AFF3: variants seen among roughly 807,000 people sequenced by gnomAD.
The protein encoded by AFF3 is AF4/FMR2 family member 3.
A neutral mutation model predicts 129.7 loss-of-function variants in AFF3; 32 were observed. The ratio of observed to expected loss-of-function variants is 0.25; its 90% CI spans 0.19 to 0.33. AFF3 has a LOEUF of 0.33. AFF3 is among the 10% of genes least tolerant of loss of function. The pLI is 1.00. For missense variants in AFF3, 1,373 were observed against 1,592.0 expected, an observed-to-expected ratio of 0.86 and a Z score of 2.34; for synonymous variants, 644 against 635.4, an observed-to-expected ratio of 1.01 and a Z score of -0.20.
chr2:99,949,911 T>C (rs1018509742), intron 7 of AFF3, among the ~76,000 whole-genome samples: 6 of 152,232 alleles, frequency 3.9e-5, no homozygotes, highest in African/African-American at 1.2e-4. Flanking sequence ...GGTATATGAA[T>C]GTTCTAAATA....
At chr2:99,692,526 G>T (rs1675776184) in intron 11 of AFF3, among the ~76,000 whole-genome samples, 1 of 152,170 alleles carries the variant, frequency 6.6e-6, no homozygotes, top group Non-Finnish European at 1.5e-5. Context: ...AGGGGAGTGG[G>T]GAGGGAGCAG....
In AFF3 at chr2:100,008,798, T is replaced by G. The variant is rs748931366; in HGVS notation, c.174+14A>C. The G allele has an allele frequency of 6.2e-7, 1 of 1,612,248 alleles. No homozygotes were observed. The highest frequency in any genetic ancestry group is 8.5e-7 in the Non-Finnish European group (1 of 1,179,270). On this transcript the variant is annotated intron_variant, in intron 5 of 24. Transcript: ENST00000672756. ...CAAGTGAGAGGTAGAGATGAACAACTGAAAACCATCTACCTTGTAGGGCTC... is the reference window on the plus strand; with the variant it reads ...CAAGTGAGAGGTAGAGATGAACAACGGAAAACCATCTACCTTGTAGGGCTC...
intron 10 of AFF3, 43 bp downstream of exon 10, chr2:99,744,061 C>G: frequency 6.4e-7 from 1 of 1,564,776 alleles, no homozygotes; most frequent in Non-Finnish European, 8.8e-7. Context: ...CTGCCCCCAC[C>G]CCCTGCTCCC....
chr2:99,863,650 C>G (rs1691163868), intron 7 of AFF3, among the ~76,000 whole-genome samples: 1 of 152,154 alleles, frequency 6.6e-6, no homozygotes, highest in Non-Finnish European at 1.5e-5. Flanking sequence ...TTAATGGAGA[C>G]TAATTTACCC....
chr2:99,572,761 C>T (rs1256525539), intron 18 of AFF3: 2 of 413,578 alleles, frequency 4.8e-6, no homozygotes, highest in African/African-American at 2.1e-5. Context: ...ATTTTTAATA[C>T]ACAGAGTCAG....
chr2:100,020,153 A>C (rs1683467374), intron 4 of AFF3, among the ~76,000 whole-genome samples: 1 of 151,898 alleles, frequency 6.6e-6, no homozygotes, highest in Non-Finnish European at 1.5e-5. Context: ...CCAGGCTTCA[A>C]CTTCCTCATG....
intron 7 of AFF3, among the ~76,000 whole-genome samples, chr2:99,989,670 G>A (rs540491964): frequency 1.3e-4 from 20 of 152,210 alleles, no homozygotes; most frequent in African/African-American, 3.4e-4. Flanking sequence ...AAAAGAAAGC[G>A]TGAATCATGG....
rs532998699 is a variant in AFF3, at chr2:100,036,075, A to G, written c.54-27143T>C. Among the ~76,000 whole-genome samples the G allele has an allele frequency of 1.6e-3, 249 of 151,004 alleles. 4 individuals carry two copies. Among genetic ancestry groups the G allele is most frequent in the African/African-American group, 5.8e-3 (236 of 40,940 alleles). On this transcript the variant is annotated intron_variant, in intron 4 of 24. Transcript: ENST00000672756. The stretch of plus-strand genomic sequence containing the variant: ...GGGTGTTCAACTCACTGAGAGAGAA[A>G]ATTGATATGGTTCTAATCAAAACCA...
chr2:100,127,180 A>T (rs2105575837), intron 2 of AFF3, among the ~76,000 whole-genome samples: 1 of 152,280 alleles, frequency 6.6e-6, no homozygotes, highest in East Asian at 1.9e-4. Flanking sequence ...AGGCTCCCCT[A>T]GGTGTTTAGT....
Position 99,587,558 on chromosome 2 carries a change from C to T in AFF3, c.2467-280G>A, listed in dbSNP as rs141503148. 8.4e-4 allele frequency among the ~76,000 whole-genome samples: 128 copies of T among 152,340 alleles called. 1 individual carries two copies. Among genetic ancestry groups the T allele is most frequent in the Middle Eastern group, 6.8e-3 (2 of 294 alleles). On this transcript the variant is annotated intron_variant, in intron 15 of 24. Coordinates refer to ENST00000672756, the MANE Select transcript of AFF3 (RefSeq NM_001386135.1). ...TTCTGAAAGCTGCTCTGCCATCAAC[C>T]GGCTTAGGATTTAGCCCTCCAACTG...
chr2:99,949,879 G>C (rs1398751918), intron 7 of AFF3, among the ~76,000 whole-genome samples: 1 of 152,096 alleles, frequency 6.6e-6, no homozygotes, highest in Middle Eastern at 3.2e-3. Flanking sequence ...ATAAACTTTA[G>C]GGAAATATGT....
rs142694989 is a variant in AFF3 at position 100,057,044 on chromosome 2, G to A, written c.53+47358C>T. On this transcript the variant is annotated intron_variant, in intron 4 of 24. Coordinates refer to ENST00000672756, the MANE Select transcript of AFF3 (RefSeq NM_001386135.1). ...CTGTTGAAAACTTTGGCCACACTGG[G>A]CCAGGCATGGTCACACCTGTAATCC... Among the ~76,000 whole-genome samples the A allele has an allele frequency of 8.4e-3, 1,273 of 152,214 alleles. 15 individuals are homozygous for A. Among genetic ancestry groups the A allele is most frequent in the South Asian group, 0.012 (59 of 4,816 alleles).
chr2:100,086,886 C>A (rs578131664), intron 4 of AFF3, among the ~76,000 whole-genome samples: 1 of 152,256 alleles, frequency 6.6e-6, no homozygotes, highest in African/African-American at 2.4e-5. Context: ...AAACCTCTTA[C>A]AACAGCCCTT....
chr2:99,970,944 T>C (rs1056735131), intron 7 of AFF3, among the ~76,000 whole-genome samples: 11 of 152,220 alleles, frequency 7.2e-5, no homozygotes, highest in African/African-American at 2.4e-4. Context: ...GTTTCCTAAG[T>C]GTCTACGTCT....
chr2:99,625,656 A>C (rs1016317155), intron 13 of AFF3, among the ~76,000 whole-genome samples: 4 of 152,218 alleles, frequency 2.6e-5, no homozygotes, highest in Non-Finnish European at 5.9e-5. Flanking sequence ...AATTAATCAC[A>C]GAAGGAAAGT....
chr2:99,612,589 G>C (rs990735546), intron 13 of AFF3, among the ~76,000 whole-genome samples: 1 of 152,198 alleles, frequency 6.6e-6, no homozygotes, highest in Non-Finnish European at 1.5e-5. Flanking sequence ...TGAGGTAATG[G>C]GCTTTCCAGG....
rs1293183413 is a variant in AFF3, at chr2:99,554,342, C to T, written c.3528G>A (p.Glu1176=). The change falls in exon 24 of 25, where the codon GAG becomes GAA. Residue 1176 remains glutamate, a synonymous_variant. Transcript: ENST00000672756. ...TTTCCTTGGCCAGGTTGTCGGCCAT[C>T]TCCCAGTAGTCGTAGCTGTGCAGGA... ...NSILHSYDYW[E]MADNLAKENR... 6.2e-7 allele frequency: 1 copy of T among 1,614,224 alleles called. No homozygotes were observed. Among genetic ancestry groups the T allele is most frequent in the South Asian group, 1.1e-5 (1 of 91,084 alleles).
intron 7 of AFF3, among the ~76,000 whole-genome samples, chr2:99,984,228 A>G (rs966545707): frequency 2.0e-5 from 3 of 152,224 alleles, no homozygotes; most frequent in Admixed American, 6.5e-5. Flanking sequence ...GAAATACACA[A>G]TGTATCCAAG....
chr2:99,937,278 A>G (rs1479769248), intron 7 of AFF3, among the ~76,000 whole-genome samples: 2 of 152,342 alleles, frequency 1.3e-5, no homozygotes, highest in African/African-American at 2.4e-5. Flanking sequence ...AACCTGGATA[A>G]GAGCCAGTGA....
Sources: gnomAD v4.1 joint callset for allele counts (sites outside exome capture counted in the v4.1 genomes callset) on GRCh38, gnomAD v4.1.1 for gene constraint, MANE v1.5 for transcripts, NCBI Gene and HGNC (gene_info 2026-07-23, HGNC 2026-07-21) for gene names.